SHISAL1: variants seen among roughly 807,000 people sequenced by gnomAD.
SHISAL1 encodes the protein shisa like 1.
In SHISAL1, 9 loss-of-function variants were observed where a neutral mutation model predicts 22.6. The observed-to-expected ratio is 0.40, with a 90% CI of 0.24 to 0.70. The LOEUF (loss-of-function observed/expected upper bound fraction) is 0.70, where lower values mean the gene tolerates loss of function less well. SHISAL1 is among the 30% of genes least tolerant of loss of function. SHISAL1 has a pLI of 0.39. For synonymous variants in SHISAL1, 119 were observed against 115.4 expected (o/e 1.03, Z -0.20); for missense variants, 246 against 270.6 (o/e 0.91, Z 0.64).
intron 4 of SHISAL1, among the ~76,000 whole-genome samples, chr22:44,271,674 G>A (rs1223214549): frequency 6.6e-6 from 1 of 152,140 alleles, no homozygotes; most frequent in Non-Finnish European, 1.5e-5. Context: ...TTCTCCACTC[G>A]CTCTGCCCTG....
At chr22:44,299,815 T>TAGACAG (rs1569223757) in intron 2 of SHISAL1, among the ~76,000 whole-genome samples, 2 of 136,146 alleles carry the variant, frequency 1.5e-5, no homozygotes, top group Non-Finnish European at 3.2e-5. Context: ...GAGGCAGACA[T>TAGACAG]AGACAGAGAC....
chr22:44,309,386 C>G (rs2055501905), intron 1 of SHISAL1, among the ~76,000 whole-genome samples: 1 of 152,162 alleles, frequency 6.6e-6, no homozygotes, highest in Non-Finnish European at 1.5e-5. Flanking sequence ...ACCAACAGTC[C>G]TGCGGGTAGG....
chr22:44,302,203 G>T (rs546920816), intron 1 of SHISAL1, among the ~76,000 whole-genome samples: 1 of 152,172 alleles, frequency 6.6e-6, no homozygotes, highest in South Asian at 2.1e-4. Context: ...AGCCGGGCAT[G>T]GTGGTGCATG....
intron 4 of SHISAL1, among the ~76,000 whole-genome samples, chr22:44,282,365 C>T (rs757320359): frequency 2.0e-5 from 3 of 152,244 alleles, no homozygotes; most frequent in Non-Finnish European, 4.4e-5. Context: ...CTCCACCTCC[C>T]CTGGCATCAC....
the SHISAL1 span, among the ~76,000 whole-genome samples, chr22:44,329,628 G>T: frequency 2.6e-5 from 4 of 152,188 alleles, no homozygotes; most frequent in Non-Finnish European, 5.9e-5. Flanking sequence ...GAGGGGCCGG[G>T]GCTGCCTGGT....
intron 4 of SHISAL1, among the ~76,000 whole-genome samples, chr22:44,253,683 C>T (rs547955191): frequency 9.9e-4 from 149 of 151,040 alleles, no homozygotes; most frequent in Non-Finnish European, 8.0e-4. Flanking sequence ...CACATGTGAT[C>T]TGCCCACCTC....
chr22:44,259,282 C>CA (rs1380623133), intron 4 of SHISAL1, among the ~76,000 whole-genome samples: 1 of 151,758 alleles, frequency 6.6e-6, no homozygotes, highest in African/African-American at 2.4e-5. Context: ...ACTAAAAATA[C>CA]AAAAAATTAG....
chr22:44,309,246 C>T (rs895472243), intron 1 of SHISAL1, among the ~76,000 whole-genome samples: 2 of 152,236 alleles, frequency 1.3e-5, no homozygotes, highest in African/African-American at 4.8e-5. Flanking sequence ...ATAAGGCTTA[C>T]AGCCTGGGGG....
intron 4 of SHISAL1, among the ~76,000 whole-genome samples, chr22:44,258,778 G>C (rs2055101664): frequency 6.6e-6 from 1 of 152,188 alleles, no homozygotes. Context: ...TGGGTCAAAG[G>C]TAAGAAATAC....
At chr22:44,296,584 C>T in intron 3 of SHISAL1, 88 bp downstream of exon 3, 1 of 1,168,700 alleles carries the variant, frequency 8.6e-7, no homozygotes, top group Non-Finnish European at 1.3e-6. Flanking sequence ...GGTTACCCAA[C>T]CGCCTCCCTA....
intron 1 of SHISAL1, among the ~76,000 whole-genome samples, chr22:44,309,674 T>C (rs1399070657): frequency 6.6e-6 from 1 of 152,150 alleles, no homozygotes; most frequent in East Asian, 1.9e-4. Context: ...TGCATGCCTG[T>C]CTCCACACAG....
At chr22:44,269,197 A>G (rs989025973) in intron 4 of SHISAL1, among the ~76,000 whole-genome samples, 6 of 150,606 alleles carry the variant, frequency 4.0e-5, no homozygotes, top group Non-Finnish European at 5.9e-5. Context: ...TGCCATACAG[A>G]CCCTCACAAT....
At chr22:44,268,442 G>A (rs12484749) in intron 4 of SHISAL1, among the ~76,000 whole-genome samples, 4,211 of 152,302 alleles carry the variant, frequency 0.028, 270 homozygotes, top group Admixed American at 0.16. Context: ...CTTAGAAGGC[G>A]CAGTCCCTTC....
chr22:44,330,852 G>C, the SHISAL1 span, among the ~76,000 whole-genome samples: 1 of 151,956 alleles, frequency 6.6e-6, no homozygotes, highest in Admixed American at 6.5e-5. Context: ...ATTCGGCCCC[G>C]GAGGCGACAG....
At position 44,245,783 on chromosome 22, in the gene SHISAL1, T is replaced by G. The variant is rs2054995066; in HGVS notation, c.*3902A>C. ...ACCATCTCCTGGCCAAAGAAGCCTG[T>G]TAACCCCTAGCCCTGTCATGTTTTC... On this transcript the variant is annotated 3_prime_UTR_variant, in exon 5 of 5. Coordinates refer to ENST00000381176, the MANE Select transcript of SHISAL1 (RefSeq NM_001099294.2). The G allele has an allele frequency of 6.6e-6, 1 of 152,346 alleles. No homozygotes were observed. The highest frequency in any genetic ancestry group is 1.5e-5 in the Non-Finnish European group (1 of 68,154). The allele number at this position is 152,346 out of a possible 1,614,324, so 9.4% of individuals were successfully genotyped here.
rs185815059 is a variant in SHISAL1, at chr22:44,255,159, G to C, written c.*-5474C>G. On this transcript the variant is annotated intron_variant, in intron 4 of 4. Transcript: ENST00000381176. ...CTCACTCATGGATCTCTCCTTCCAAGAATCTAAACACTGTATGTTGATATA... is the reference window on the plus strand; with the variant it reads ...CTCACTCATGGATCTCTCCTTCCAACAATCTAAACACTGTATGTTGATATA... Among the ~76,000 whole-genome samples the C allele has an allele frequency of 4.6e-5, 7 of 152,082 alleles. No individual in the cohort carries two copies. The East Asian group carries it at 1.2e-3, about 25-fold the overall frequency.
rs1491243176 is a variant in SHISAL1 at position 44,266,527 on chromosome 22, T to TATGG, written c.*-16843_*-16842insCCAT. On this transcript the variant is annotated intron_variant, in intron 4 of 4. Transcript: ENST00000381176. ...TATGTGTGTGTTGGGGGCTTTGGGGTATGTGTGTGTGTGTGTGTGTGTGTG... is the reference window on the plus strand; with the variant it reads ...TATGTGTGTGTTGGGGGCTTTGGGGTATGGATGTGTGTGTGTGTGTGTGTGTGTG... Among the ~76,000 whole-genome samples, 5 of 123,700 alleles carry TATGG rather than the reference T, an allele frequency of 4.0e-5. No homozygotes were observed. In the East Asian group the frequency reaches 1.2e-3, roughly 31 times the overall value. The allele number at this position is 123,700 out of a possible 152,430, so 81.2% of individuals were successfully genotyped here. A position where few individuals can be genotyped will look rare whatever the true frequency, so the allele number is the denominator to read the frequency against.
chr22:44,261,850 G>A (rs950557149), intron 4 of SHISAL1, among the ~76,000 whole-genome samples: 18 of 152,360 alleles, frequency 1.2e-4, no homozygotes, highest in African/African-American at 4.1e-4. Context: ...GCACTCTGCA[G>A]GTCACCTTGC....
intron 1 of SHISAL1, among the ~76,000 whole-genome samples, chr22:44,306,619 A>G (rs1373533380): frequency 8.4e-6 from 1 of 118,582 alleles, no homozygotes; most frequent in East Asian, 2.5e-4. Context: ...GGGCTCAAGG[A>G]GCTGTGATGA....
Sources: allele counts gnomAD v4.1 joint callset (sites outside exome capture counted in the v4.1 genomes callset), GRCh38; gene constraint gnomAD v4.1.1; transcripts MANE v1.5; gene names NCBI Gene and HGNC (gene_info 2026-07-23, HGNC 2026-07-21).